CCDC57: variants seen among roughly 807,000 people sequenced by gnomAD.
CCDC57 encodes coiled-coil domain containing 57.
In CCDC57, 118 loss-of-function variants were observed where a neutral mutation model predicts 118.9. The observed-to-expected ratio is 0.99, with a 90% CI of 0.86 to 1.16. The LOEUF (loss-of-function observed/expected upper bound fraction) is 1.16, where lower values mean the gene tolerates loss of function less well. CCDC57 is among the 50% of genes most tolerant of loss of function. The pLI is 0.00. For synonymous variants in CCDC57, 527 were observed against 532.9 expected, an observed-to-expected ratio of 0.99 and a Z score of 0.15; for missense variants, 1,300 against 1,320.7, an observed-to-expected ratio of 0.98 and a Z score of 0.24.
At chr17:82,128,674 G>T in intron 17 of CCDC57, 77 bp from the exon 17 acceptor site, 2 of 1,188,562 alleles carry the variant, frequency 1.7e-6, no homozygotes, top group Non-Finnish European at 2.4e-6. Context: ...TTTCCCACAA[G>T]ATTGGGAAGA....
At chr17:82,133,010 G>A (rs997603689) in intron 17 of CCDC57, among the ~76,000 whole-genome samples, 1 of 151,900 alleles carries the variant, frequency 6.6e-6, no homozygotes, top group Admixed American at 6.6e-5. Context: ...CACCCGCCTC[G>A]GCCTCCCAAA....
At chr17:82,127,465 A>G (rs11651952) in intron 19 of CCDC57, 567,605 of 982,836 alleles carry the variant, frequency 0.58, 166,197 homozygotes, top group Non-Finnish European at 0.59. Context: ...ACGGTGCTGC[A>G]CTAGGAAATG....
At chr17:82,185,926 A>G (rs1317579520) in intron 8 of CCDC57, among the ~76,000 whole-genome samples, 3 of 152,200 alleles carry the variant, frequency 2.0e-5, no homozygotes, top group Admixed American at 2.0e-4. Flanking sequence ...TAGTTAAAAA[A>G]TTATTTTTTT....
chr17:82,200,683 C>T (rs2048888403), intron 3 of CCDC57, among the ~76,000 whole-genome samples: 2 of 151,912 alleles, frequency 1.3e-5, no homozygotes, highest in South Asian at 4.2e-4. Context: ...GTCCCAGCTA[C>T]GTGGGAGGCT....
intron 16 of CCDC57, among the ~76,000 whole-genome samples, chr17:82,150,617 C>T (rs2041834838): frequency 2.0e-5 from 1 of 49,572 alleles, no homozygotes; most frequent in African/African-American, 7.9e-5. Flanking sequence ...ACACCCAGAA[C>T]CTGGTGCACA....
intron 8 of CCDC57, 87 bp from the exon 8 acceptor site, chr17:82,184,019 GCGCGCGCGCGCGCACACACA>G (rs2046555943): frequency 4.1e-6 from 1 of 241,256 alleles, no homozygotes; most frequent in Non-Finnish European, 7.4e-6. Context: ...ATACACATGC[GCGCGCGCGCGCGCACACACA>G]CACACACACA....
At chr17:82,196,857 T>TGCA in intron 4 of CCDC57, among the ~76,000 whole-genome samples, 1 of 118,922 alleles carries the variant, frequency 8.4e-6, no homozygotes, top group East Asian at 2.5e-4. Flanking sequence ...CCCTCGTGAC[T>TGCA]CCTGCAGAGA....
intron 19 of CCDC57, among the ~76,000 whole-genome samples, chr17:82,110,029 G>A (rs1434230373): frequency 2.0e-5 from 3 of 148,650 alleles, no homozygotes; most frequent in African/African-American, 7.5e-5. Flanking sequence ...CACCCAGGCT[G>A]GAGTGCAATG....
At chr17:82,200,476 A>G (rs2048863513) in intron 3 of CCDC57, among the ~76,000 whole-genome samples, 1 of 152,200 alleles carries the variant, frequency 6.6e-6, no homozygotes, top group Non-Finnish European at 1.5e-5. Context: ...CTGCGGCTTT[A>G]AAAAGTGCTT....
chr17:82,124,183 C>T (rs1311659139), intron 19 of CCDC57, among the ~76,000 whole-genome samples: 1 of 152,132 alleles, frequency 6.6e-6, no homozygotes, highest in Non-Finnish European at 1.5e-5. Flanking sequence ...GGCAAGGGTA[C>T]ACCCTGAGGG....
chr17:82,208,320 G>A (rs890487429), intron 1 of CCDC57, among the ~76,000 whole-genome samples: 1 of 152,036 alleles, frequency 6.6e-6, no homozygotes, highest in Non-Finnish European at 1.5e-5. Context: ...GCAGTGGCGC[G>A]ATCTTGGCTC....
chr17:82,195,376 A>G lies in CCDC57; in HGVS notation c.517-12T>C. ...TCCAGCAGCAGTTCCTGGAACAAACAGGTTTCATGATGAAAGAACAGTGGG... is the reference window on the plus strand; with the variant it reads ...TCCAGCAGCAGTTCCTGGAACAAACGGGTTTCATGATGAAAGAACAGTGGG... On this transcript the variant is annotated splice_polypyrimidine_tract_variant and intron_variant, in intron 4 of 19. Coordinates refer to ENST00000665763, the Ensembl canonical transcript of CCDC57. 6.4e-7 allele frequency: 1 copy of G among 1,573,854 alleles called. No homozygotes were observed. The highest frequency in any genetic ancestry group is 8.6e-7 in the Non-Finnish European group (1 of 1,158,558).
intron 19 of CCDC57, among the ~76,000 whole-genome samples, chr17:82,102,127 G>C (rs1598592791): frequency 1.3e-5 from 2 of 152,356 alleles, no homozygotes; most frequent in East Asian, 3.9e-4. Flanking sequence ...TGGACATGTG[G>C]CTCTGAAAAT....
At chr17:82,146,282 T>C (rs1336040647) in intron 16 of CCDC57, among the ~76,000 whole-genome samples, 1 of 152,212 alleles carries the variant, frequency 6.6e-6, no homozygotes, top group Non-Finnish European at 1.5e-5. Context: ...CCACATCATT[T>C]ATGAACCGGA....
At position 82,181,706 on chromosome 17, in the gene CCDC57, AC is replaced by A. The variant is rs554645617; in HGVS notation, c.1211+2067del. Among the ~76,000 whole-genome samples the A allele has an allele frequency of 1.5e-4, 23 of 152,392 alleles. No homozygotes were observed. In the South Asian group the frequency reaches 4.3e-3, roughly 29 times the overall value. ...AAATAAGTTCAGAGATTTAAAGGCA[AC>A]CGTGCACATAATGAGGAGAGAAATT... is the stretch of plus-strand genomic sequence containing the variant. On this transcript the variant is annotated intron_variant, in intron 9 of 19. Transcript: ENST00000665763.
At chr17:82,144,075 A>ACAAAG (rs10679530) in intron 16 of CCDC57, among the ~76,000 whole-genome samples, 6 of 151,428 alleles carry the variant, frequency 4.0e-5, no homozygotes, top group Non-Finnish European at 8.8e-5. Context: ...ACAAAACAAA[A>ACAAAG]CAAAAAACAG....
chr17:82,185,761 A>G (rs953447653), intron 8 of CCDC57, among the ~76,000 whole-genome samples: 1 of 151,856 alleles, frequency 6.6e-6, no homozygotes, highest in African/African-American at 2.4e-5. Context: ...CATGCCTATA[A>G]TCCCAGCACT....
At chr17:82,182,588 A>C (rs186288927) in intron 9 of CCDC57, among the ~76,000 whole-genome samples, 3 of 152,168 alleles carry the variant, frequency 2.0e-5, no homozygotes, top group African/African-American at 4.8e-5. Flanking sequence ...TCCTGACCTC[A>C]GGTGATCTGC....
At chr17:82,189,424 C>A (rs1029544798) in intron 7 of CCDC57, among the ~76,000 whole-genome samples, 1 of 152,148 alleles carries the variant, frequency 6.6e-6, no homozygotes, top group African/African-American at 2.4e-5. Context: ...AGTCTTTGAT[C>A]TAACCCTACT....
Sources: allele counts gnomAD v4.1 joint callset (sites outside exome capture counted in the v4.1 genomes callset), GRCh38; gene constraint gnomAD v4.1.1; transcripts MANE v1.5; gene names NCBI Gene and HGNC (gene_info 2026-07-23, HGNC 2026-07-21).